TDRD9: variants seen among roughly 807,000 people sequenced by gnomAD.
The protein encoded by TDRD9 is tudor domain containing 9.
A neutral mutation model predicts 172.6 loss-of-function variants in TDRD9; 124 were observed. That is an observed-to-expected ratio of 0.72 (90% CI 0.62 to 0.83). The LOEUF (loss-of-function observed/expected upper bound fraction) is 0.83, where lower values mean the gene tolerates loss of function less well. TDRD9 is among the 40% of genes least tolerant of loss of function. The pLI is 0.00. For synonymous variants in TDRD9, 619 were observed against 617.1 expected (o/e 1.00, Z -0.05); for missense variants, 1,479 against 1,714.1 (o/e 0.86, Z 2.42).
intron 13 of TDRD9, among the ~76,000 whole-genome samples, chr14:104,001,189 T>C (rs1390445428): frequency 6.6e-6 from 1 of 152,250 alleles, no homozygotes; most frequent in African/African-American, 2.4e-5. Flanking sequence ...GTCCCACTGC[T>C]ATGCAGGGGT....
chr14:104,021,116 C>T (rs2034941192), intron 23 of TDRD9, among the ~76,000 whole-genome samples: 1 of 152,126 alleles, frequency 6.6e-6, no homozygotes, highest in East Asian at 1.9e-4. Context: ...CCTCAGGAAA[C>T]TTACAATCAT....
intron 8 of TDRD9, among the ~76,000 whole-genome samples, chr14:103,988,501 C>A (rs1288551448): frequency 6.6e-6 from 1 of 151,934 alleles, no homozygotes; most frequent in Non-Finnish European, 1.5e-5. Flanking sequence ...ACAATCTCTG[C>A]CTTTTGATTG....
At chr14:104,047,621 T>G (rs1157051901) in intron 34 of TDRD9, among the ~76,000 whole-genome samples, 2 of 152,256 alleles carry the variant, frequency 1.3e-5, no homozygotes, top group Non-Finnish European at 2.9e-5. Flanking sequence ...TTTGCACGTC[T>G]GTCAGTGCGC....
chr14:103,965,501 A>G lies in TDRD9; in HGVS notation c.589A>G (p.Arg197Gly), dbSNP rs2032699498. ...GAAGATAGGGGCAAGCAGCATCGCC[A>G]GGTGGATCAGTAAAGAGCGTGCCTG... ...PRKIGASSIA[R>G]WISKERAWTL... Residue 197 changes from arginine (R) to glycine (G), a missense_variant, in exon 4 of 36, where the codon AGG becomes GGG. Physicochemically the swap from Arg to Gly is moderately radical, Grantham distance 125. Transcript: ENST00000409874. 2.2e-6 allele frequency: 3 copies of G among 1,378,266 alleles called. No individual in the cohort carries two copies. Among genetic ancestry groups the G allele is most frequent in the African/African-American group, 1.5e-5 (1 of 66,822 alleles). The allele number at this position is 1,378,266 out of a possible 1,614,324, so 85.4% of individuals were successfully genotyped here.
chr14:103,956,235 T>C (rs1240862125), intron 2 of TDRD9, among the ~76,000 whole-genome samples: 6 of 144,108 alleles, frequency 4.2e-5, no homozygotes, highest in African/African-American at 1.6e-4. Context: ...GTCAGGAGAT[T>C]GAGACCATCC....
chr14:103,962,820 T>C (rs2032568135), intron 2 of TDRD9, among the ~76,000 whole-genome samples: 1 of 152,230 alleles, frequency 6.6e-6, no homozygotes, highest in East Asian at 1.9e-4. Flanking sequence ...TTCATTCTTT[T>C]TTATGGCTGC....
At chr14:104,012,354 G>T (rs1450061951) in intron 20 of TDRD9, among the ~76,000 whole-genome samples, 1 of 152,248 alleles carries the variant, frequency 6.6e-6, no homozygotes, top group Non-Finnish European at 1.5e-5. Flanking sequence ...GCATGGTCTG[G>T]ACAGCCAGGC....
intron 27 of TDRD9, 81 bp from the exon 28 acceptor site, chr14:104,026,598 A>T: frequency 1.4e-6 from 2 of 1,476,768 alleles, no homozygotes; most frequent in Non-Finnish European, 1.9e-6. Context: ...TACATGAACA[A>T]GGTCTGTTTT....
intron 28 of TDRD9, among the ~76,000 whole-genome samples, chr14:104,030,290 C>T (rs1455336303): frequency 6.6e-6 from 1 of 152,142 alleles, no homozygotes; most frequent in Non-Finnish European, 1.5e-5. Flanking sequence ...GTCAGGAGTT[C>T]GAGACCAGCC....
rs28391043 is a variant in TDRD9, at chr14:104,004,349, G to A, written c.1581+14G>A. On this transcript the variant is annotated intron_variant, in intron 14 of 35. Coordinates refer to ENST00000409874, the MANE Select transcript of TDRD9 (RefSeq NM_153046.3). ...CCTGAGATGTTGGTAATTCACTTTG[G>A]TCATTGTCAAAGTTTATTTATTTAT... The A allele has an allele frequency of 0.35, 478,393 of 1,381,302 alleles. 84,584 individuals carry two copies. Among genetic ancestry groups the A allele is most frequent in the Middle Eastern group, 0.37 (2,079 of 5,550 alleles). 85.6% of individuals were successfully genotyped at this position (1,381,302 alleles called of 1,614,324 possible).
chr14:103,966,613 A>AT, intron 4 of TDRD9, 96 bp from the exon 5 acceptor site: 1 of 1,200,608 alleles, frequency 8.3e-7, no homozygotes, highest in Non-Finnish European at 1.1e-6. Flanking sequence ...AAATACCTTA[A>AT]TTTTTCATTC....
chr14:103,975,498 C>T lies in TDRD9; in HGVS notation c.956C>T (p.Pro319Leu). ...PAYIFEVEGK[P>L]HSVEEYYLND... ...TATATTTTTGAAGTGGAAGGCAAGC[C>T]CCATTCAGTTGAAGAGTATTATCTT... The change falls in exon 7 of 36, where the codon CCC becomes CTC. Residue 319 changes from proline (P) to leucine (L), a missense_variant. This residue lies in a region of TDRD9 where 1,413 missense variants were observed against 1,649.1 expected (regional missense o/e 0.86). Transcript: ENST00000409874. The T allele has an allele frequency of 3.7e-6, 6 of 1,613,416 alleles. No individual in the cohort carries two copies. The highest frequency in any genetic ancestry group is 5.1e-6 in the Non-Finnish European group (6 of 1,179,678).
chr14:103,947,803 T>A (rs1333749190), intron 1 of TDRD9, among the ~76,000 whole-genome samples: 5 of 152,108 alleles, frequency 3.3e-5, no homozygotes, highest in Admixed American at 6.5e-5. Flanking sequence ...AAACTTCACA[T>A]CGTATGTGGC....
intron 20 of TDRD9, among the ~76,000 whole-genome samples, chr14:104,010,501 G>A (rs1220666593): frequency 2.0e-5 from 3 of 151,072 alleles, no homozygotes; most frequent in Admixed American, 1.3e-4. Flanking sequence ...GTATAATAGT[G>A]CCTTCTCCTG....
chr14:103,971,384 C>T (rs923031157), intron 6 of TDRD9, among the ~76,000 whole-genome samples: 2 of 149,266 alleles, frequency 1.3e-5, no homozygotes, highest in Non-Finnish European at 3.0e-5. Context: ...AGCTCACTGC[C>T]ACCTCCGCCT....
chr14:104,039,778 T>A (rs1223028815), intron 32 of TDRD9, among the ~76,000 whole-genome samples: 2 of 152,216 alleles, frequency 1.3e-5, no homozygotes, highest in Admixed American at 6.5e-5. Flanking sequence ...AACATTTTTT[T>A]AGGCTTTTAC....
At chr14:103,970,002 C>T (rs1402105781) in intron 5 of TDRD9, among the ~76,000 whole-genome samples, 2 of 152,186 alleles carry the variant, frequency 1.3e-5, no homozygotes, top group African/African-American at 4.8e-5. Flanking sequence ...CCAGCTTTTC[C>T]AGGACCAGCC....
chr14:104,016,837 A>C (rs974719834), intron 22 of TDRD9, among the ~76,000 whole-genome samples: 1 of 152,216 alleles, frequency 6.6e-6, no homozygotes, highest in African/African-American at 2.4e-5. Flanking sequence ...AGTCATTGCC[A>C]GATTTTATCC....
At chr14:103,960,512 G>C (rs1455803814) in intron 2 of TDRD9, among the ~76,000 whole-genome samples, 1 of 152,168 alleles carries the variant, frequency 6.6e-6, no homozygotes, top group Non-Finnish European at 1.5e-5. Flanking sequence ...TTTTTGCTTT[G>C]TTGTATGTAG....
Sources: gnomAD v4.1 joint callset for allele counts (sites outside exome capture counted in the v4.1 genomes callset) on GRCh38, gnomAD v4.1.1 for gene constraint, gnomAD v4.1.1 regional missense constraint, MANE v1.5 for transcripts, NCBI Gene and HGNC (gene_info 2026-07-23, HGNC 2026-07-21) for gene names.